Variants in BOLA3 observed in about 807,000 individuals in gnomAD.
BOLA3 encodes bolA-like protein 3.
Under a neutral mutation model 14.5 loss-of-function variants are expected in BOLA3, and 8 were observed. The observed-to-expected ratio is 0.55, with a 90% CI of 0.32 to 0.99. BOLA3 has a LOEUF of 0.99. Ranked by LOEUF, BOLA3 falls within the 50% of genes least tolerant of loss-of-function variation. The pLI, the probability that BOLA3 is intolerant of heterozygous loss-of-function variation, is 0.04. For missense variants in BOLA3, 115 were observed against 138.2 expected (o/e 0.83, Z 0.84); for synonymous variants, 42 against 45.7 (o/e 0.92, Z 0.33).
chr2:74,143,405 C>T (rs1000479842), intron 2 of BOLA3, among the ~76,000 whole-genome samples: 4 of 152,120 alleles, frequency 2.6e-5, no homozygotes, highest in Non-Finnish European at 4.4e-5. Flanking sequence ...GTGATCCACC[C>T]GCCTCGGCCT....
At position 74,135,637 on chromosome 2, in the gene BOLA3, CTT is replaced by C; in HGVS notation, c.278_279del (p.Lys93ArgfsTer39). ...MVNQALKEEI[K>X]EMHGLRIFTS... ...GTAAATATCCGCAATCCATGCATCT[CTT>C]TGATTTCTTCTTTTAGTGCCTAAGT... is the stretch of plus-strand genomic sequence containing the variant. On this transcript the variant is annotated frameshift_variant, in exon 4 of 4. Coordinates refer to ENST00000327428, the MANE Select transcript of BOLA3 (RefSeq NM_212552.3). LOFTEE classifies it high-confidence loss of function. 6.2e-7 allele frequency: 1 copy of C among 1,613,770 alleles called. No individual in the cohort carries two copies. The highest frequency in any genetic ancestry group is 1.1e-5 in the South Asian group (1 of 91,046).
At chr2:74,140,689 G>T (rs373699804) in intron 3 of BOLA3, among the ~76,000 whole-genome samples, 7 of 152,300 alleles carry the variant, frequency 4.6e-5, no homozygotes, top group East Asian at 1.9e-4. Flanking sequence ...ACTGGTGCAG[G>T]TTCCTTCCAG....
Position 74,145,256 on chromosome 2 carries a change from G to A in BOLA3, c.102C>T (p.Leu34=). 1 of 1,612,782 alleles carries A rather than the reference G, an allele frequency of 6.2e-7. No homozygotes were observed. Among genetic ancestry groups the A allele is most frequent in the East Asian group, 2.2e-5 (1 of 44,882 alleles). Reference sequence around the variant, plus strand: ...TTTCTTTGAGAATTTGGGTCACTCTGAGCTCCCCCTCAGTCTGAGTGGCAA... The same window carrying A: ...TTTCTTTGAGAATTTGGGTCACTCTAAGCTCCCCCTCAGTCTGAGTGGCAA... ...RMFATQTEGE[L]RVTQILKEKF... is the part of the protein sequence containing the mutation. Residue 34 remains leucine (L), a synonymous_variant, in exon 2 of 4, where the codon CTC becomes CTT. Transcript: ENST00000327428.
chr2:74,141,538 G>A (rs1031402506), intron 3 of BOLA3, among the ~76,000 whole-genome samples: 2 of 152,054 alleles, frequency 1.3e-5, no homozygotes, highest in Admixed American at 6.5e-5. Context: ...GAGGCCGGCT[G>A]GGAGGGTGCA....
intron 2 of BOLA3, among the ~76,000 whole-genome samples, chr2:74,143,440 T>A (rs2103652344): frequency 6.6e-6 from 1 of 152,254 alleles, no homozygotes; most frequent in East Asian, 1.9e-4. Context: ...ATTACAGGCG[T>A]GAGCCACCGC....
At chr2:74,139,739 C>T (rs1692402958) in intron 3 of BOLA3, among the ~76,000 whole-genome samples, 1 of 152,186 alleles carries the variant, frequency 6.6e-6, no homozygotes. Flanking sequence ...CAGGGGACCC[C>T]CTCATGTCAG....
Position 74,135,521 on chromosome 2 carries a change from C to T in BOLA3, c.*72G>A. ...AAATATATAAATTTTTTGGTGACTG[C>T]TTAGGGAAGAATGATGTCAGTGAAG... On this transcript the variant is annotated 3_prime_UTR_variant, in exon 4 of 4. Coordinates refer to ENST00000327428, the MANE Select transcript of BOLA3 (RefSeq NM_212552.3). 1 of 1,603,230 alleles carries T rather than the reference C, an allele frequency of 6.2e-7. No individual in the cohort carries two copies. The highest frequency in any genetic ancestry group is 1.1e-5 in the South Asian group (1 of 90,784).
intron 3 of BOLA3, among the ~76,000 whole-genome samples, chr2:74,138,040 C>T (rs1692365693): frequency 6.6e-6 from 1 of 152,214 alleles, no homozygotes; most frequent in Non-Finnish European, 1.5e-5. Context: ...TTCACCCACT[C>T]AGGCCCTGCG....
intron 1 of BOLA3, 140 bp from the exon 2 acceptor site, chr2:74,145,443 G>C (rs1418349424): frequency 2.0e-5 from 14 of 702,488 alleles, no homozygotes; most frequent in Non-Finnish European, 2.9e-5. Flanking sequence ...GGTTATGTCA[G>C]AGGGGCTCTG....
At chr2:74,140,045 A>T (rs758823404) in intron 3 of BOLA3, among the ~76,000 whole-genome samples, 4 of 152,202 alleles carry the variant, frequency 2.6e-5, no homozygotes, top group Non-Finnish European at 5.9e-5. Context: ...GCACTTTGGG[A>T]GGCCGAGGCA....
intron 2 of BOLA3, among the ~76,000 whole-genome samples, chr2:74,142,832 A>G (rs753426213): frequency 4.6e-5 from 7 of 152,254 alleles, no homozygotes; most frequent in African/African-American, 2.4e-5. Context: ...CCAGGGGAGC[A>G]TGAGAGCCAG....
rs779678474 is a variant in BOLA3 at position 74,142,190 on chromosome 2, C to G, written c.258+82G>C. 1.4e-5 allele frequency: 14 copies of G among 1,026,348 alleles called. No individual in the cohort carries two copies. In the African/African-American group the frequency reaches 1.7e-4, roughly 13 times the overall value. The allele number at this position is 1,026,348 out of a possible 1,614,324, so 63.6% of individuals were successfully genotyped here. On this transcript the variant is annotated intron_variant, in intron 3 of 3. Coordinates refer to ENST00000327428, the MANE Select transcript of BOLA3 (RefSeq NM_212552.3). The stretch of plus-strand genomic sequence containing the variant: ...CTGCATTATTCTCTCCTGCAACTGA[C>G]GGCAAAAACCACCATCCCTGCTTGG...
intron 1 of BOLA3, chr2:74,145,513 C>T (rs1692527470): frequency 3.4e-6 from 2 of 589,568 alleles, no homozygotes; most frequent in South Asian, 3.9e-5. Context: ...TTGGCGGGGA[C>T]AGGATGATTG....
chr2:74,142,250 G>A lies in BOLA3; in HGVS notation c.258+22C>T, dbSNP rs993639689. On this transcript the variant is annotated intron_variant, in intron 3 of 3. Coordinates refer to ENST00000327428, the MANE Select transcript of BOLA3 (RefSeq NM_212552.3). The stretch of plus-strand genomic sequence containing the variant: ...TTGGAGGCTGAAGGCCAGTGGCAAG[G>A]GGCACTGTTGCCTCTACTGACCTGA... 3 of 1,571,320 alleles carry A rather than the reference G, an allele frequency of 1.9e-6. No homozygotes were observed. In the African/African-American group the frequency reaches 4.1e-5, roughly 21 times the overall value.
intron 2 of BOLA3, among the ~76,000 whole-genome samples, chr2:74,142,708 C>T (rs1044215796): frequency 4.6e-5 from 7 of 152,200 alleles, no homozygotes; most frequent in South Asian, 2.1e-4. Flanking sequence ...ATGAGAAGGA[C>T]GGAATTTCAG....
chr2:74,142,829 A>G (rs967544372), intron 2 of BOLA3, among the ~76,000 whole-genome samples: 1 of 152,196 alleles, frequency 6.6e-6, no homozygotes, highest in Non-Finnish European at 1.5e-5. Flanking sequence ...GAACCAGGGG[A>G]GCATGAGAGC....
intron 2 of BOLA3, 48 bp from the exon 3 acceptor site, chr2:74,142,408 G>C: frequency 7.1e-7 from 1 of 1,404,288 alleles, no homozygotes; most frequent in Non-Finnish European, 1.0e-6. Context: ...AGTCATGGCA[G>C]CCATGGTCCC....
At chr2:74,135,974 T>C (rs1692318406) in intron 3 of BOLA3, among the ~76,000 whole-genome samples, 1 of 147,252 alleles carries the variant, frequency 6.8e-6, no homozygotes, top group Non-Finnish European at 1.5e-5. Context: ...TTTTAAGTCA[T>C]GGTCTCGCTC....
chr2:74,137,193 C>A (rs1056293678), intron 3 of BOLA3, among the ~76,000 whole-genome samples: 2 of 152,218 alleles, frequency 1.3e-5, no homozygotes, highest in African/African-American at 4.8e-5. Flanking sequence ...ACTGGCCCAG[C>A]CTATGATTGG....
Sources: allele counts gnomAD v4.1 joint callset (sites outside exome capture counted in the v4.1 genomes callset), GRCh38; gene constraint gnomAD v4.1.1; transcripts MANE v1.5; gene names NCBI Gene and HGNC (gene_info 2026-07-23, HGNC 2026-07-21).